Variants in NRF1 observed in about 807,000 individuals in gnomAD.
The protein encoded by NRF1 is nuclear respiratory factor 1, also known as alpha palindromic-binding protein.
Under a neutral mutation model 58.5 loss-of-function variants are expected in NRF1, and 5 were observed. The ratio of observed to expected loss-of-function variants is 0.09; its 90% CI spans 0.04 to 0.18. The LOEUF (loss-of-function observed/expected upper bound fraction) is 0.18, where lower values mean the gene tolerates loss of function less well. Among genes scored for constraint, NRF1 ranks in the 10% least tolerant of loss-of-function variants. The probability of loss-of-function intolerance (pLI) is 1.00; values close to 1 mark genes in which losing one functional copy is unlikely to be tolerated. For synonymous variants in NRF1, 224 were observed against 246.7 expected (o/e 0.91, Z 0.86); for missense variants, 288 against 657.7 (o/e 0.44, Z 6.15).
intron 9 of NRF1, among the ~76,000 whole-genome samples, chr7:129,723,443 CAA>C (rs1279913396): frequency 0.027 from 3,334 of 123,014 alleles, 50 homozygotes; most frequent in Middle Eastern, 0.1. Flanking sequence ...AACTCTATCT[CAA>C]AAAAAAAAAA....
intron 4 of NRF1, among the ~76,000 whole-genome samples, chr7:129,685,823 A>T (rs1191958224): frequency 2.0e-5 from 3 of 151,914 alleles, no homozygotes; most frequent in Non-Finnish European, 4.4e-5. Context: ...TTTGGATAAG[A>T]AGCAGATTTA....
intron 10 of NRF1, chr7:129,744,328 C>T: frequency 2.0e-6 from 2 of 992,134 alleles, no homozygotes; most frequent in Non-Finnish European, 1.5e-6. Flanking sequence ...GGTGGGATTC[C>T]TCTACTGTGC....
At chr7:129,670,923 A>G (rs1802033588) in intron 2 of NRF1, among the ~76,000 whole-genome samples, 1 of 152,214 alleles carries the variant, frequency 6.6e-6, no homozygotes, top group South Asian at 2.1e-4. Context: ...TTATTCATTC[A>G]GATACTCCTT....
At chr7:129,678,891 C>T (rs1802242955) in intron 4 of NRF1, among the ~76,000 whole-genome samples, 1 of 152,028 alleles carries the variant, frequency 6.6e-6, no homozygotes, top group African/African-American at 2.4e-5. Context: ...TGGAGTCCTC[C>T]ATAGAATACA....
At chr7:129,664,394 G>C (rs1371667498) in intron 2 of NRF1, among the ~76,000 whole-genome samples, 1 of 152,064 alleles carries the variant, frequency 6.6e-6, no homozygotes, top group African/African-American at 2.4e-5. Context: ...ATGATGAGGA[G>C]TGGCCAAAAT....
chr7:129,623,889 G>A (rs1447930986), intron 1 of NRF1, among the ~76,000 whole-genome samples: 2 of 152,170 alleles, frequency 1.3e-5, no homozygotes, highest in Non-Finnish European at 1.5e-5. Context: ...TCTTAAATCA[G>A]TATCTTCCAG....
intron 1 of NRF1, among the ~76,000 whole-genome samples, chr7:129,621,869 G>A (rs1328200995): frequency 6.7e-6 from 1 of 148,154 alleles, no homozygotes; most frequent in Non-Finnish European, 1.5e-5. Context: ...TGTAACTTCC[G>A]CCTCTCGGGT....
rs1234623704 is a variant in NRF1 at position 129,755,814 on chromosome 7, G to C, written c.*633G>C. The C allele has an allele frequency of 6.5e-6, 1 of 152,692 alleles. No homozygotes were observed. The highest frequency in any genetic ancestry group is 1.9e-4 in the East Asian group (1 of 5,196). The allele number at this position is 152,692 out of a possible 1,614,324, so 9.5% of individuals were successfully genotyped here. On this transcript the variant is annotated 3_prime_UTR_variant, in exon 11 of 11. Coordinates refer to ENST00000393232, the MANE Select transcript of NRF1 (RefSeq NM_005011.5). This position sits in a 1 kb window ranked among gnomAD's most constrained non-coding sequence, Gnocchi z 5.8. ...ACCTGAGGAAAGAGGCTCCAGCATGGGGTGGGTCAGAGATGTGCTTGCAAG... is the reference window on the plus strand; with the variant it reads ...ACCTGAGGAAAGAGGCTCCAGCATGCGGTGGGTCAGAGATGTGCTTGCAAG...
At chr7:129,726,794 T>C (rs1803461171) in intron 9 of NRF1, among the ~76,000 whole-genome samples, 4 of 152,224 alleles carry the variant, frequency 2.6e-5, no homozygotes. Context: ...TCCTTGGCTA[T>C]AAAAGGACAG....
intron 1 of NRF1, among the ~76,000 whole-genome samples, chr7:129,628,464 T>A (rs1800971714): frequency 6.6e-6 from 1 of 152,134 alleles, no homozygotes; most frequent in African/African-American, 2.4e-5. Flanking sequence ...CCTGTACATG[T>A]TAAAAAGTTA....
intron 9 of NRF1, 64 bp downstream of exon 9, chr7:129,717,440 G>T: frequency 6.7e-7 from 1 of 1,499,812 alleles, no homozygotes; most frequent in South Asian, 1.3e-5. Flanking sequence ...ATGGGTGGAG[G>T]CCCCTTAAAG....
intron 1 of NRF1, among the ~76,000 whole-genome samples, chr7:129,628,118 A>G (rs538166765): frequency 7.5e-6 from 1 of 133,240 alleles, no homozygotes; most frequent in South Asian, 2.3e-4. Context: ...ATCTTGGCTC[A>G]CTGCAAGCTC....
intron 3 of NRF1, among the ~76,000 whole-genome samples, chr7:129,675,364 C>T (rs1160553337): frequency 6.6e-6 from 1 of 152,200 alleles, no homozygotes; most frequent in Non-Finnish European, 1.5e-5. Context: ...GACCTCCTCC[C>T]ATGTACTTGC....
chr7:129,668,658 A>G (rs1801974603), intron 2 of NRF1, among the ~76,000 whole-genome samples: 1 of 152,236 alleles, frequency 6.6e-6, no homozygotes, highest in Non-Finnish European at 1.5e-5. Flanking sequence ...CTTGGCAACA[A>G]AAAGGAAAAA....
At chr7:129,634,041 A>AT (rs1554403123) in intron 1 of NRF1, among the ~76,000 whole-genome samples, 3,658 of 113,562 alleles carry the variant, frequency 0.032, 107 homozygotes, top group African/African-American at 0.091. Context: ...AAAAAAAAAA[A>AT]AGATATATAT....
intron 1 of NRF1, among the ~76,000 whole-genome samples, chr7:129,622,032 C>T (rs1478918931): frequency 4.6e-5 from 7 of 151,996 alleles, no homozygotes; most frequent in East Asian, 1.9e-4. Context: ...CTGCCCGCCT[C>T]GGCCTCCCAA....
In NRF1 at chr7:129,657,468, T is replaced by G; in HGVS notation, c.117T>G (p.Ser39Arg). The change falls in exon 2 of 11, where the codon AGT becomes AGG. Residue 39 changes from serine (S) to arginine (R), a missense_variant. Physicochemically the swap from Ser to Arg is moderately radical, Grantham distance 110. Coordinates refer to ENST00000393232, the MANE Select transcript of NRF1 (RefSeq NM_005011.5). ...CTTACACCGAGCATAGTATGCTGAG[T>G]GCTGATGAAGACTCGCCTTCTTCTC... ...VATYTEHSMLSADEDSPSSPE... is the reference protein window; with the variant it reads ...VATYTEHSMLRADEDSPSSPE... 1.2e-6 allele frequency: 2 copies of G among 1,613,952 alleles called. No homozygotes were observed. The highest frequency in any genetic ancestry group is 1.7e-6 in the Non-Finnish European group (2 of 1,179,990).
chr7:129,657,223 G>C, intron 1 of NRF1, 123 bp from the exon 2 acceptor site: 1 of 673,514 alleles, frequency 1.5e-6, no homozygotes, highest in Non-Finnish European at 2.6e-6. Flanking sequence ...GTGTGGCACG[G>C]TAAGTAGTGA....
At chr7:129,625,081 A>G (rs909573862) in intron 1 of NRF1, among the ~76,000 whole-genome samples, 2 of 152,168 alleles carry the variant, frequency 1.3e-5, no homozygotes, top group African/African-American at 2.4e-5. Flanking sequence ...GCGCTCCCTC[A>G]GGAGACTCTG....
Sources: allele counts gnomAD v4.1 joint callset (sites outside exome capture counted in the v4.1 genomes callset), GRCh38; gene constraint gnomAD v4.1.1; non-coding constraint Gnocchi (gnomAD v3.1); transcripts MANE v1.5; gene names NCBI Gene and HGNC (gene_info 2026-07-23, HGNC 2026-07-21).